The following CDH23 variants were observed in gnomAD, a reference collection of about 807,000 sequenced individuals.
CDH23 encodes cadherin-23.
Under a neutral mutation model 317.1 loss-of-function variants are expected in CDH23, and 189 were observed. The ratio of observed to expected loss-of-function variants is 0.60; its 90% confidence interval spans 0.53 to 0.67. The LOEUF (loss-of-function observed/expected upper bound fraction) is 0.67. Among genes scored for constraint, CDH23 ranks in the 30% least tolerant of loss-of-function variants. The probability of loss-of-function intolerance (pLI) is 0.00; values close to 1 mark genes in which losing one functional copy is unlikely to be tolerated. For missense variants in CDH23, 4,401 were observed against 4,592.4 expected (o/e 0.96, Z 1.20); for synonymous variants, 1,839 against 1,876.8 (o/e 0.98, Z 0.52).
chr10:71,512,305 G>A (rs1390739594), intron 6 of CDH23: 2 of 152,272 alleles, frequency 1.3e-5, no homozygotes, highest in Non-Finnish European at 2.9e-5. Context: ...TGGAAGAGAG[G>A]ACAGATGTGC....
intron 38 of CDH23, chr10:71,748,283 G>A (rs1839904304): frequency 6.6e-6 from 1 of 152,420 alleles, no homozygotes; most frequent in Non-Finnish European, 1.5e-5. Context: ...CATGTAGTGG[G>A]AGCTCTGGTC....
intron 1 of CDH23, among the ~76,000 whole-genome samples, chr10:71,418,770 T>G (rs1222326941): frequency 1.3e-5 from 2 of 152,244 alleles, no homozygotes; most frequent in African/African-American, 2.4e-5. Flanking sequence ...GCCATGGTTA[T>G]TAAATCATAA....
intron 44 of CDH23, 79 bp downstream of exon 44, chr10:71,785,817 G>A (rs756319628): frequency 1.1e-6 from 1 of 884,318 alleles, no homozygotes; most frequent in Non-Finnish European, 1.9e-6. Context: ...CCTCCTGCAG[G>A]CAGCATAGCC....
intron 30 of CDH23, among the ~76,000 whole-genome samples, chr10:71,726,383 G>C (rs1000125623): frequency 3.9e-5 from 6 of 152,214 alleles, no homozygotes; most frequent in Non-Finnish European, 7.3e-5. Context: ...TGGAAACAAT[G>C]AGCGGTGGTC....
At chr10:71,813,173 AGAGG>A in intron 68 of CDH23, 67 bp from the exon 69 acceptor site, 1 of 1,384,316 alleles carries the variant, frequency 7.2e-7, no homozygotes, top group Non-Finnish European at 1.0e-6. Context: ...CCTTACTCCC[AGAGG>A]GAGTGGGCGA....
chr10:71,403,934 G>A (rs910459720), intron 1 of CDH23, among the ~76,000 whole-genome samples: 11 of 152,012 alleles, frequency 7.2e-5, no homozygotes, highest in African/African-American at 2.4e-4. Context: ...TACTAAAAAC[G>A]TAAAACATTT....
intron 6 of CDH23, among the ~76,000 whole-genome samples, chr10:71,541,522 C>T (rs1011620393): frequency 6.6e-6 from 1 of 152,254 alleles, no homozygotes; most frequent in Non-Finnish European, 1.5e-5. Flanking sequence ...CATTGAGGAG[C>T]ACTGTGGAGA....
intron 14 of CDH23, chr10:71,647,196 C>A: frequency 1.5e-6 from 1 of 652,404 alleles, no homozygotes; most frequent in Non-Finnish European, 1.9e-6. Flanking sequence ...GGCTCGGTGG[C>A]TCACGCCTGT....
At position 71,702,731 on chromosome 10, in the gene CDH23, G is replaced by A. The variant is rs923158668; in HGVS notation, c.2733+37G>A. On this transcript the variant is annotated intron_variant, in intron 24 of 69. Transcript: ENST00000224721. Reference sequence around the variant, plus strand: ...TCATCTCATTCCTACCAGCCCAGAGGTGGGCAGTGGGTGCCTGAGGAGCCT... The same window carrying A: ...TCATCTCATTCCTACCAGCCCAGAGATGGGCAGTGGGTGCCTGAGGAGCCT... The A allele has an allele frequency of 5.0e-6, 8 of 1,612,210 alleles. No individual in the cohort carries two copies. In the African/African-American group the frequency reaches 8.0e-5, roughly 16 times the overall value.
intron 6 of CDH23, among the ~76,000 whole-genome samples, chr10:71,532,717 T>G (rs149952740): frequency 2.3e-3 from 97 of 41,442 alleles, no homozygotes; most frequent in African/African-American, 3.9e-3. Context: ...TTTTGTTTTT[T>G]TTTTTTTTTG....
At chr10:71,606,504 G>C (rs1860534416) in intron 9 of CDH23, among the ~76,000 whole-genome samples, 2 of 152,186 alleles carry the variant, frequency 1.3e-5, no homozygotes, top group Non-Finnish European at 2.9e-5. Context: ...TTTTGGACCA[G>C]TCTCAGAGTG....
intron 38 of CDH23, chr10:71,761,024 G>C: frequency 8.3e-7 from 1 of 1,199,846 alleles, no homozygotes; most frequent in South Asian, 1.2e-5. Context: ...AGGTTCTCAC[G>C]CTAGTGCCTA....
intron 3 of CDH23, among the ~76,000 whole-genome samples, chr10:71,451,639 G>A (rs1048824850): frequency 6.6e-6 from 1 of 152,190 alleles, no homozygotes; most frequent in African/African-American, 2.4e-5. Flanking sequence ...CCTTGTTGGG[G>A]GTTAAGTGCT....
intron 3 of CDH23, among the ~76,000 whole-genome samples, chr10:71,502,144 C>G (rs1478616680): frequency 6.6e-6 from 1 of 152,218 alleles, no homozygotes; most frequent in Non-Finnish European, 1.5e-5. Context: ...TCTGAGCTAG[C>G]CTGCAGACAC....
chr10:71,753,568 G>A (rs1259364550), intron 38 of CDH23, among the ~76,000 whole-genome samples: 6 of 152,158 alleles, frequency 3.9e-5, no homozygotes, highest in African/African-American at 9.7e-5. Context: ...GCAAGTCCCC[G>A]ATCACTTCCC....
chr10:71,474,956 G>A (rs1245486404), intron 3 of CDH23, among the ~76,000 whole-genome samples: 1 of 152,228 alleles, frequency 6.6e-6, no homozygotes, highest in Non-Finnish European at 1.5e-5. Context: ...GTCTAAGACT[G>A]CTCTCATCTC....
At chr10:71,413,716 A>G (rs1171115341) in intron 1 of CDH23, among the ~76,000 whole-genome samples, 2 of 151,876 alleles carry the variant, frequency 1.3e-5, no homozygotes, top group Admixed American at 1.3e-4. Flanking sequence ...TGTTTTTTTT[A>G]GAGATGAGGT....
chr10:71,432,115 A>G (rs1849399124), intron 1 of CDH23, among the ~76,000 whole-genome samples: 1 of 151,932 alleles, frequency 6.6e-6, no homozygotes, highest in African/African-American at 2.4e-5. Context: ...GGGAACAGGA[A>G]GGAGGGGCCC....
intron 38 of CDH23, among the ~76,000 whole-genome samples, chr10:71,766,025 G>C (rs1840534584): frequency 6.6e-6 from 1 of 152,220 alleles, no homozygotes; most frequent in African/African-American, 2.4e-5. Flanking sequence ...GGCATGGCAT[G>C]GGGGAGAGGG....
Sources: gnomAD v4.1 joint callset for allele counts (sites outside exome capture counted in the v4.1 genomes callset) on GRCh38, gnomAD v4.1.1 for gene constraint, MANE v1.5 for transcripts, NCBI Gene and HGNC (gene_info 2026-07-23, HGNC 2026-07-21) for gene names.